Variants in TRIM67 observed in about 807,000 individuals in gnomAD.
TRIM67 encodes tripartite motif containing 67.
TRIM67 carries 39 observed loss-of-function variants against 71.0 expected under a neutral mutation model. The ratio of observed to expected loss-of-function variants is 0.55; its 90% confidence interval spans 0.43 to 0.72. TRIM67 has a LOEUF of 0.72. Ranked by LOEUF, TRIM67 falls within the 30% of genes least tolerant of loss-of-function variation. The pLI, the probability that TRIM67 is intolerant of heterozygous loss-of-function variation, is 0.00. For synonymous variants in TRIM67, 481 were observed against 473.9 expected (o/e 1.01, Z -0.19); for missense variants, 973 against 1,079.2 (o/e 0.90, Z 1.38).
chr1:231,196,967 G>C (rs1683381815), intron 1 of TRIM67, among the ~76,000 whole-genome samples: 1 of 152,130 alleles, frequency 6.6e-6, no homozygotes. Flanking sequence ...TGTAGGGATG[G>C]GGTGGACGGA....
intron 1 of TRIM67, among the ~76,000 whole-genome samples, chr1:231,166,205 C>T (rs1014942110): frequency 6.6e-6 from 1 of 152,172 alleles, no homozygotes; most frequent in African/African-American, 2.4e-5. Context: ...TGACATCCTC[C>T]TAAATCCAGA....
chr1:231,170,839 A>G (rs1309777464), intron 1 of TRIM67, among the ~76,000 whole-genome samples: 1 of 152,214 alleles, frequency 6.6e-6, no homozygotes, highest in Non-Finnish European at 1.5e-5. Context: ...AACTGAAAGT[A>G]TTTACTATCT....
In TRIM67 at chr1:231,215,615, C is replaced by A; in HGVS notation, c.*175C>A. 7.2e-7 allele frequency: 1 copy of A among 1,384,792 alleles called. No individual in the cohort carries two copies. Among genetic ancestry groups the A allele is most frequent in the Non-Finnish European group, 9.4e-7 (1 of 1,066,302 alleles). The allele number at this position is 1,384,792 out of a possible 1,614,324, so 85.8% of individuals were successfully genotyped here. A position where few individuals can be genotyped will look rare whatever the true frequency, so the allele number is the denominator to read the frequency against. The stretch of plus-strand genomic sequence containing the variant: ...CTTGGGGACGCAGGGAATGGGTCCA[C>A]GGGCCATGCTCACAGCTGCCACTGT... On this transcript the variant is annotated 3_prime_UTR_variant, in exon 10 of 10. Transcript: ENST00000366653.
At chr1:231,167,490 T>C (rs1682506044) in intron 1 of TRIM67, among the ~76,000 whole-genome samples, 1 of 125,146 alleles carries the variant, frequency 8.0e-6, no homozygotes, top group Non-Finnish European at 1.6e-5. Context: ...GCCCGGCTAA[T>C]TTTTTGTATT....
At chr1:231,212,594 G>A (rs545685408) in intron 8 of TRIM67, among the ~76,000 whole-genome samples, 8 of 152,274 alleles carry the variant, frequency 5.3e-5, no homozygotes, top group African/African-American at 1.9e-4. Context: ...AAAAAGGTTA[G>A]GCGTTTCAGT....
intron 8 of TRIM67, among the ~76,000 whole-genome samples, 154 bp from the exon 9 acceptor site, chr1:231,213,661 G>A (rs750968116): frequency 1.3e-5 from 2 of 152,002 alleles, no homozygotes; most frequent in Middle Eastern, 3.2e-3. Context: ...AGCCTGGGAG[G>A]GCGAGGCTGT....
intron 4 of TRIM67, among the ~76,000 whole-genome samples, chr1:231,200,466 G>A (rs1437122568): frequency 6.6e-6 from 1 of 152,214 alleles, no homozygotes; most frequent in Non-Finnish European, 1.5e-5. Flanking sequence ...GAAACGAGGA[G>A]GTGAAATGAC....
intron 1 of TRIM67, chr1:231,187,367 T>G (rs1175422323): frequency 3.0e-6 from 2 of 673,178 alleles, no homozygotes; most frequent in African/African-American, 3.7e-5. Context: ...TCAATTTCTC[T>G]GCTTACCCAG....
intron 6 of TRIM67, 28 bp from the exon 7 acceptor site, chr1:231,206,624 C>T: frequency 1.3e-6 from 2 of 1,535,982 alleles, no homozygotes; most frequent in Non-Finnish European, 1.8e-6. Flanking sequence ...GCTAGAGGAG[C>T]CTGGTGAGCA....
intron 7 of TRIM67, 93 bp downstream of exon 7, chr1:231,206,883 T>C: frequency 1.5e-6 from 2 of 1,374,192 alleles, no homozygotes; most frequent in Non-Finnish European, 9.8e-7. Flanking sequence ...GATGATGGGG[T>C]AGGGGTGGGG....
At chr1:231,193,503 G>GCTATCTCTCT (rs1683287673) in intron 1 of TRIM67, among the ~76,000 whole-genome samples, 1 of 81,946 alleles carries the variant, frequency 1.2e-5, no homozygotes, top group South Asian at 5.2e-4. Flanking sequence ...TCTCTCTCAA[G>GCTATCTCTCT]CTCTCTCTCT....
Position 231,216,004 on chromosome 1 carries a change from G to A in TRIM67, c.*564G>A, listed in dbSNP as rs1684005297. On this transcript the variant is annotated 3_prime_UTR_variant, in exon 10 of 10. Coordinates refer to ENST00000366653, the MANE Select transcript of TRIM67 (RefSeq NM_001004342.5). ...CCACTTGCAGACCCAATGCAGGATT[G>A]ATAGAAAGGGACATTAATCATTCAT... The A allele has an allele frequency of 2.0e-6, 2 of 985,644 alleles. No individual in the cohort carries two copies. Among genetic ancestry groups the A allele is most frequent in the Non-Finnish European group, 2.4e-6 (2 of 830,124 alleles). The allele number at this position is 985,644 out of a possible 1,614,324, so 61.1% of individuals were successfully genotyped here. A position where few individuals can be genotyped will look rare whatever the true frequency, so the allele number is the denominator to read the frequency against.
Position 231,220,875 on chromosome 1 carries a change from A to G in TRIM67, c.*5435A>G, listed in dbSNP as rs1684124696. On this transcript the variant is annotated 3_prime_UTR_variant, in exon 10 of 10. Transcript: ENST00000366653. ...TGCAGACCAGGCCAGGCCCTCGGGT[A>G]AAGCTCTGAGGAGAGGCCAAAACCA... 1 of 152,376 alleles carries G rather than the reference A, an allele frequency of 6.6e-6. No individual in the cohort carries two copies. Among genetic ancestry groups the G allele is most frequent in the African/African-American group, 2.4e-5 (1 of 41,458 alleles). 9.4% of individuals were successfully genotyped at this position (152,376 alleles called of 1,614,324 possible).
chr1:231,219,156 G>A lies in TRIM67; in HGVS notation c.*3716G>A. 1 of 985,560 alleles carries A rather than the reference G, an allele frequency of 1.0e-6. No homozygotes were observed. Among genetic ancestry groups the A allele is most frequent in the Non-Finnish European group, 1.2e-6 (1 of 830,072 alleles). 61.1% of individuals were successfully genotyped at this position (985,560 alleles called of 1,614,324 possible). A position where few individuals can be genotyped will look rare whatever the true frequency, so the allele number is the denominator to read the frequency against. ...CATGTGAATGCTAAAGAACACTGCT[G>A]CACAGCCCGTGGGGTGGCGCCAGGG... On this transcript the variant is annotated 3_prime_UTR_variant, in exon 10 of 10. Transcript: ENST00000366653.
chr1:231,178,180 G>T (rs1682806089), intron 1 of TRIM67, among the ~76,000 whole-genome samples: 1 of 152,190 alleles, frequency 6.6e-6, no homozygotes, highest in Non-Finnish European at 1.5e-5. Flanking sequence ...GAAAAAAGCT[G>T]GCTGGGAAAT....
chr1:231,178,004 A>G (rs1215140915), intron 1 of TRIM67, among the ~76,000 whole-genome samples: 1 of 152,240 alleles, frequency 6.6e-6, no homozygotes, highest in Non-Finnish European at 1.5e-5. Context: ...TGATTCATAA[A>G]GGAAGGGTCA....
intron 8 of TRIM67, among the ~76,000 whole-genome samples, chr1:231,210,744 T>C (rs1236783272): frequency 6.6e-6 from 1 of 151,894 alleles, no homozygotes; most frequent in Non-Finnish European, 1.5e-5. Flanking sequence ...TTACAGATTA[T>C]AAAACTGGGG....
chr1:231,162,927 C>T lies in TRIM67; in HGVS notation c.-43C>T, dbSNP rs200652481. On this transcript the variant is annotated 5_prime_UTR_variant, in exon 1 of 10. Coordinates refer to ENST00000366653, the MANE Select transcript of TRIM67 (RefSeq NM_001004342.5). ...CTCCGCCAGTCTCCCGAGCTCCGGC[C>T]ATTCATCCCCAGCGCAGAGCAGCGC... 1,974 of 1,593,426 alleles carry T rather than the reference C, an allele frequency of 1.2e-3. 3 individuals carry two copies. The highest frequency in any genetic ancestry group is 1.5e-3 in the Non-Finnish European group (1,706 of 1,172,928).
At chr1:231,213,765 A>T (rs190162915) in intron 8 of TRIM67, 50 bp from the exon 9 acceptor site, 1 of 1,521,254 alleles carries the variant, frequency 6.6e-7, no homozygotes, top group East Asian at 2.3e-5. Flanking sequence ...GTTATCACCT[A>T]CATCCCAGGC....
Sources: allele counts gnomAD v4.1 joint callset (sites outside exome capture counted in the v4.1 genomes callset), GRCh38; gene constraint gnomAD v4.1.1; transcripts MANE v1.5; gene names NCBI Gene and HGNC (gene_info 2026-07-23, HGNC 2026-07-21).